SLC4A10: variants seen among roughly 807,000 people sequenced by gnomAD.
SLC4A10 encodes the protein solute carrier family 4 member 10, also known as sodium-driven chloride bicarbonate exchanger.
Under a neutral mutation model 137.7 loss-of-function variants are expected in SLC4A10, and 42 were observed. The ratio of observed to expected loss-of-function variants is 0.30; its 90% CI spans 0.24 to 0.39. SLC4A10 has a LOEUF of 0.39. Among genes scored for constraint, SLC4A10 ranks in the 10% least tolerant of loss-of-function variants. The probability of loss-of-function intolerance (pLI) is 1.00; values close to 1 mark genes in which losing one functional copy is unlikely to be tolerated. For missense variants in SLC4A10, 925 were observed against 1,355.0 expected, an observed-to-expected ratio of 0.68 and a Z score of 4.98; for synonymous variants, 474 against 464.1, an observed-to-expected ratio of 1.02 and a Z score of -0.27.
chr2:161,631,346 TATC>T (rs2033514986), intron 1 of SLC4A10, among the ~76,000 whole-genome samples: 1 of 151,816 alleles, frequency 6.6e-6, no homozygotes, highest in Non-Finnish European at 1.5e-5. Flanking sequence ...TGTTTAGCAT[TATC>T]ATGAACAAGG....
intron 1 of SLC4A10, among the ~76,000 whole-genome samples, chr2:161,654,491 G>A (rs2037239903): frequency 6.6e-6 from 1 of 152,044 alleles, no homozygotes; most frequent in Non-Finnish European, 1.5e-5. Context: ...CCTCTATGTT[G>A]TTTTTCTAGG....
At chr2:161,729,203 CAAGGCAAGGA>C (rs941467272) in intron 1 of SLC4A10, among the ~76,000 whole-genome samples, 13 of 152,066 alleles carry the variant, frequency 8.5e-5, no homozygotes, top group Admixed American at 2.6e-4. Flanking sequence ...ATGCAAAAGG[CAAGGCAAGGA>C]AAGAAAAACC....
chr2:161,856,254 T>G (rs2125861242), intron 5 of SLC4A10, among the ~76,000 whole-genome samples: 1 of 152,028 alleles, frequency 6.6e-6, no homozygotes, highest in South Asian at 2.1e-4. Flanking sequence ...AATTATTGAT[T>G]TAGTCATTGG....
chr2:161,726,412 C>T (rs1017894710), intron 1 of SLC4A10, among the ~76,000 whole-genome samples: 2 of 152,042 alleles, frequency 1.3e-5, no homozygotes, highest in South Asian at 2.1e-4. Context: ...TTTTCTAAAC[C>T]GCTCCTCTCC....
intron 1 of SLC4A10, among the ~76,000 whole-genome samples, chr2:161,739,151 G>T (rs774504979): frequency 5.3e-5 from 8 of 152,154 alleles, no homozygotes; most frequent in Non-Finnish European, 1.0e-4. Flanking sequence ...AAGAAAAACA[G>T]TAACATCATT....
chr2:161,927,147 G>A (rs7558622), intron 15 of SLC4A10, among the ~76,000 whole-genome samples: 151,694 of 152,272 alleles, frequency 1, 75,560 homozygotes, highest in East Asian at 1. Context: ...AATATCCTGC[G>A]GAGTGTTTTC....
intron 3 of SLC4A10, among the ~76,000 whole-genome samples, chr2:161,831,006 AT>A (rs761319274): frequency 6.6e-6 from 1 of 152,156 alleles, no homozygotes; most frequent in Non-Finnish European, 1.5e-5. Context: ...AGTATACTAC[AT>A]TTAAGCAGAG....
At chr2:161,895,671 G>A (rs2063403096) in intron 11 of SLC4A10, among the ~76,000 whole-genome samples, 1 of 152,170 alleles carries the variant, frequency 6.6e-6, no homozygotes, top group Non-Finnish European at 1.5e-5. Flanking sequence ...CAGTGATGAT[G>A]AGCATTTTTT....
At chr2:161,686,316 A>G (rs1313343780) in intron 1 of SLC4A10, among the ~76,000 whole-genome samples, 1 of 152,206 alleles carries the variant, frequency 6.6e-6, no homozygotes, top group Non-Finnish European at 1.5e-5. Context: ...TGGAATTACA[A>G]ATAGCTGCAA....
chr2:161,662,243 A>G (rs913332584), intron 1 of SLC4A10, among the ~76,000 whole-genome samples: 5 of 152,072 alleles, frequency 3.3e-5, no homozygotes, highest in Non-Finnish European at 7.4e-5. Context: ...TTAAGTATTC[A>G]TTTTTTTAAA....
intron 1 of SLC4A10, among the ~76,000 whole-genome samples, chr2:161,625,075 G>A (rs1445550936): frequency 9.3e-5 from 1 of 10,758 alleles, no homozygotes; most frequent in African/African-American, 1.8e-4. Context: ...TCGTGTGTGT[G>A]TGTGTGTGTG....
intron 1 of SLC4A10, among the ~76,000 whole-genome samples, chr2:161,769,279 A>C (rs1290718600): frequency 1.3e-5 from 2 of 151,896 alleles, no homozygotes; most frequent in Non-Finnish European, 2.9e-5. Context: ...AACACCCTTA[A>C]TATCCATTCC....
At chr2:161,878,972 AG>A (rs2061590826) in intron 8 of SLC4A10, among the ~76,000 whole-genome samples, 158 bp from the exon 9 acceptor site, 1 of 152,132 alleles carries the variant, frequency 6.6e-6, no homozygotes, top group Non-Finnish European at 1.5e-5. Context: ...TAAAGAAAAA[AG>A]GTTATTATAG....
intron 1 of SLC4A10, among the ~76,000 whole-genome samples, chr2:161,768,960 T>C (rs925718162): frequency 6.6e-6 from 1 of 151,944 alleles, no homozygotes; most frequent in African/African-American, 2.4e-5. Context: ...CCCATAGTCA[T>C]GGTGAAAGAT....
intron 1 of SLC4A10, among the ~76,000 whole-genome samples, chr2:161,628,320 C>T (rs1279199745): frequency 6.6e-6 from 1 of 151,938 alleles, no homozygotes; most frequent in Non-Finnish European, 1.5e-5. Context: ...TGAAAAAGGA[C>T]TTAAGTTGAG....
chr2:161,766,538 A>G (rs1048272704), intron 1 of SLC4A10, among the ~76,000 whole-genome samples: 4 of 152,154 alleles, frequency 2.6e-5, no homozygotes, highest in Non-Finnish European at 5.9e-5. Context: ...ACCTTTGAAC[A>G]TGGATACATG....
intron 1 of SLC4A10, among the ~76,000 whole-genome samples, chr2:161,769,123 TG>T (rs1029923552): frequency 1.4e-4 from 22 of 152,140 alleles, no homozygotes; most frequent in African/African-American, 5.3e-4. Flanking sequence ...CCCATTTTTT[TG>T]GTTCTTGTTT....
In SLC4A10 at chr2:161,943,118, C is replaced by T. The variant is rs530725630; in HGVS notation, c.2103+221C>T. Among the ~76,000 whole-genome samples, 22 of 152,168 alleles carry T rather than the reference C, an allele frequency of 1.4e-4. 1 individual carries two copies. The South Asian group carries it at 4.4e-3, about 30-fold the overall frequency. On this transcript the variant is annotated intron_variant, in intron 16 of 26. Coordinates refer to ENST00000446997, the MANE Select transcript of SLC4A10 (RefSeq NM_001178015.2). ...AGACCAGAATTGCTCAAATAGCTCA[C>T]TTATACAGAAATATGTGACCGAGAT...
chr2:161,881,429 A>C (rs1575428525), intron 9 of SLC4A10, among the ~76,000 whole-genome samples: 1 of 152,018 alleles, frequency 6.6e-6, no homozygotes, highest in Non-Finnish European at 1.5e-5. Flanking sequence ...AAATATTGTC[A>C]TATCCTCTAC....
Sources: gnomAD v4.1 joint callset for allele counts (sites outside exome capture counted in the v4.1 genomes callset) on GRCh38, gnomAD v4.1.1 for gene constraint, MANE v1.5 for transcripts, NCBI Gene and HGNC (gene_info 2026-07-23, HGNC 2026-07-21) for gene names.